TRIO: variants seen among roughly 807,000 people sequenced by gnomAD.
TRIO encodes the protein triple functional domain protein.
A neutral mutation model predicts 351.9 loss-of-function variants in TRIO; 58 were observed. The observed-to-expected ratio is 0.16, with a 90% CI of 0.13 to 0.21. TRIO has a LOEUF of 0.21. Ranked by LOEUF, TRIO falls within the 10% of genes least tolerant of loss-of-function variation. The pLI is 1.00. For synonymous variants in TRIO, 1,758 were observed against 1,595.7 expected, an observed-to-expected ratio of 1.10 and a Z score of -2.42; for missense variants, 3,201 against 4,027.8, an observed-to-expected ratio of 0.79 and a Z score of 5.56.
chr5:14,277,837 A>AT (rs1256578624), intron 2 of TRIO, among the ~76,000 whole-genome samples: 7 of 152,058 alleles, frequency 4.6e-5, no homozygotes, highest in Admixed American at 2.6e-4. Flanking sequence ...CCTTTCTAAG[A>AT]TTTTTTCTTC....
intron 2 of TRIO, among the ~76,000 whole-genome samples, chr5:14,278,874 TA>T (rs1275100573): frequency 6.6e-6 from 1 of 152,222 alleles, no homozygotes; most frequent in East Asian, 1.9e-4. Flanking sequence ...TTTTTACTAC[TA>T]AAAAAGAAGT....
rs375400138 is a variant in TRIO at position 14,144,870 on chromosome 5, C to T, written c.157+988C>T. 1.2e-4 allele frequency among the ~76,000 whole-genome samples: 18 copies of T among 152,038 alleles called. No homozygotes were observed. The South Asian group carries it at 3.1e-3, about 26-fold the overall frequency. The stretch of plus-strand genomic sequence containing the variant: ...GTCCCCGCGCCCAGTCCGGTCTGCT[C>T]GCGCGTCGGCTGAGCAGCAGCAGGA... On this transcript the variant is annotated intron_variant, in intron 1 of 56. Coordinates refer to ENST00000344204, the MANE Select transcript of TRIO (RefSeq NM_007118.4).
intron 10 of TRIO, among the ~76,000 whole-genome samples, chr5:14,336,106 T>G (rs1358789219): frequency 1.3e-5 from 2 of 152,238 alleles, no homozygotes; most frequent in South Asian, 2.1e-4. Context: ...AACTTGTACT[T>G]CGAGAATTAT....
intron 3 of TRIO, among the ~76,000 whole-genome samples, chr5:14,283,057 C>T (rs1661184575): frequency 6.6e-6 from 1 of 152,144 alleles, no homozygotes; most frequent in Admixed American, 6.5e-5. Context: ...AGCAGGAGCG[C>T]TGTTTGGTTT....
chr5:14,421,342 G>A (rs907201328), intron 34 of TRIO, among the ~76,000 whole-genome samples: 4 of 149,656 alleles, frequency 2.7e-5, no homozygotes, highest in African/African-American at 7.4e-5. Context: ...GGTGACTCAC[G>A]CCTCTAATCC....
At chr5:14,202,427 A>G (rs73057525) in intron 1 of TRIO, among the ~76,000 whole-genome samples, 8,715 of 147,336 alleles carry the variant, frequency 0.059, 831 homozygotes, top group African/African-American at 0.21. Flanking sequence ...AAGATTGGAC[A>G]CTCCTGACCT....
At chr5:14,177,059 C>A (rs926976405) in intron 1 of TRIO, among the ~76,000 whole-genome samples, 1 of 152,164 alleles carries the variant, frequency 6.6e-6, no homozygotes, top group East Asian at 1.9e-4. Flanking sequence ...GCTTTACATA[C>A]TGTAATTGGG....
At chr5:14,291,500 AAG>A (rs1489601169) in intron 5 of TRIO, among the ~76,000 whole-genome samples, 1 of 151,890 alleles carries the variant, frequency 6.6e-6, no homozygotes, top group Non-Finnish European at 1.5e-5. Flanking sequence ...TTTCACTTAA[AAG>A]AGTGAACATT....
chr5:14,472,852 G>A (rs1217330598), intron 39 of TRIO, among the ~76,000 whole-genome samples, 194 bp downstream of exon 39: 1 of 152,128 alleles, frequency 6.6e-6, no homozygotes, highest in Admixed American at 6.5e-5. Flanking sequence ...AGTTGTAAAT[G>A]CTTCTTTTTC....
At chr5:14,386,389 G>A (rs1167022530) in intron 21 of TRIO, among the ~76,000 whole-genome samples, 1 of 152,100 alleles carries the variant, frequency 6.6e-6, no homozygotes, top group African/African-American at 2.4e-5. Flanking sequence ...CTTGACAGCT[G>A]ACTTCACAGG....
chr5:14,442,888 A>C (rs1404347218), intron 34 of TRIO, among the ~76,000 whole-genome samples: 1 of 152,220 alleles, frequency 6.6e-6, no homozygotes. Context: ...CTTTGTCTGC[A>C]AAGTGGGAGT....
chr5:14,296,806 A>G (rs1737400259), intron 6 of TRIO, among the ~76,000 whole-genome samples: 1 of 152,148 alleles, frequency 6.6e-6, no homozygotes, highest in South Asian at 2.1e-4. Flanking sequence ...TGTGTATTTG[A>G]TTGCTTTGTG....
At chr5:14,272,772 A>G (rs1315302815) in intron 2 of TRIO, among the ~76,000 whole-genome samples, 1 of 152,234 alleles carries the variant, frequency 6.6e-6, no homozygotes, top group African/African-American at 2.4e-5. Flanking sequence ...GCTGATTAGC[A>G]TGAGCTCATT....
intron 1 of TRIO, among the ~76,000 whole-genome samples, chr5:14,238,978 C>T (rs1793959668): frequency 6.6e-6 from 1 of 152,194 alleles, no homozygotes; most frequent in Admixed American, 6.5e-5. Context: ...TGTATCACTG[C>T]AGTGAATGGT....
At chr5:14,366,796 C>T in intron 15 of TRIO, 64 bp from the exon 16 acceptor site, 4 of 1,607,136 alleles carry the variant, frequency 2.5e-6, no homozygotes, top group Non-Finnish European at 3.4e-6. Flanking sequence ...GTATCTCACC[C>T]CTGGTGGTCC....
chr5:14,262,773 G>A (rs1561265805), intron 1 of TRIO, among the ~76,000 whole-genome samples: 2 of 151,968 alleles, frequency 1.3e-5, no homozygotes, highest in Non-Finnish European at 2.9e-5. Flanking sequence ...TATGAGGCAG[G>A]TACTGTTCTG....
intron 25 of TRIO, among the ~76,000 whole-genome samples, chr5:14,389,995 T>C (rs1746903773): frequency 6.6e-6 from 1 of 152,114 alleles, no homozygotes; most frequent in Non-Finnish European, 1.5e-5. Flanking sequence ...AATATTTACG[T>C]CTCCGAAGTA....
At chr5:14,458,685 C>G (rs1270076897) in intron 34 of TRIO, among the ~76,000 whole-genome samples, 1 of 152,194 alleles carries the variant, frequency 6.6e-6, no homozygotes, top group African/African-American at 2.4e-5. Context: ...GTGAGCAGTG[C>G]AGGGTTCTGC....
intron 1 of TRIO, among the ~76,000 whole-genome samples, chr5:14,251,519 C>T (rs550709146): frequency 6.6e-6 from 1 of 152,320 alleles, no homozygotes; most frequent in South Asian, 2.1e-4. Context: ...TGGCGCTGGG[C>T]CTGTGCATCT....
Sources: gnomAD v4.1 joint callset for allele counts (sites outside exome capture counted in the v4.1 genomes callset) on GRCh38, gnomAD v4.1.1 for gene constraint, MANE v1.5 for transcripts, NCBI Gene and HGNC (gene_info 2026-07-23, HGNC 2026-07-21) for gene names.